The following PPP1R16A variants were observed in gnomAD, a reference collection of about 807,000 sequenced individuals.
PPP1R16A encodes the protein protein phosphatase 1 regulatory subunit 16A, also known as myosin phosphatase-targeting subunit 3.
Under a neutral mutation model 46.6 loss-of-function variants are expected in PPP1R16A, and 39 were observed. The observed-to-expected ratio is 0.84, with a 90% CI of 0.65 to 1.09. PPP1R16A has a LOEUF of 1.09. Ranked by LOEUF, PPP1R16A falls within the 50% of genes least tolerant of loss-of-function variation. The pLI is 0.00. For missense variants in PPP1R16A, 798 were observed against 735.6 expected, an observed-to-expected ratio of 1.08 and a Z score of -0.98; for synonymous variants, 413 against 321.5, an observed-to-expected ratio of 1.28 and a Z score of -3.04.
intron 1 of PPP1R16A, among the ~76,000 whole-genome samples, chr8:144,485,080 C>A (rs2130223546): frequency 6.6e-6 from 1 of 151,774 alleles, no homozygotes; most frequent in East Asian, 1.9e-4. Context: ...AGGCTGAGAC[C>A]AGAGTGTGAG....
chr8:144,479,805 C>T (rs558830414), intron 1 of PPP1R16A, among the ~76,000 whole-genome samples: 45 of 152,296 alleles, frequency 3.0e-4, no homozygotes, highest in African/African-American at 9.1e-4. Context: ...TCTTTCATGC[C>T]GAGGCTCTCC....
intron 5 of PPP1R16A, 128 bp downstream of exon 5, chr8:144,499,189 CCT>C: frequency 8.2e-7 from 1 of 1,225,384 alleles, no homozygotes; most frequent in African/African-American, 1.5e-5. Flanking sequence ...GCTGACCCTG[CCT>C]GTGTCCTGGC....
chr8:144,492,489 C>T (rs1419983447), intron 2 of PPP1R16A, among the ~76,000 whole-genome samples: 3 of 152,198 alleles, frequency 2.0e-5, no homozygotes, highest in East Asian at 3.9e-4. Flanking sequence ...GCGCCTGCCA[C>T]CCCACCCAGC....
Position 144,487,062 on chromosome 8 carries a change from A to C in PPP1R16A, c.-913-2972A>C, listed in dbSNP as rs557851764. Among the ~76,000 whole-genome samples, 18 of 150,368 alleles carry C rather than the reference A, an allele frequency of 1.2e-4. No homozygotes were observed. The South Asian group carries it at 3.2e-3, about 27-fold the overall frequency. On this transcript the variant is annotated intron_variant, in intron 1 of 11. Coordinates refer to ENST00000435887, the MANE Select transcript of PPP1R16A (RefSeq NM_001329443.2). ...GAGTGCAGTGGTGTGATCTCGGCTCACTGCAACCTCCACCTCCCAGATTCA... is the reference window on the plus strand; with the variant it reads ...GAGTGCAGTGGTGTGATCTCGGCTCCCTGCAACCTCCACCTCCCAGATTCA...
chr8:144,501,261 G>A lies in PPP1R16A; in HGVS notation c.1170G>A (p.Gln390=), dbSNP rs772502508. 6.2e-6 allele frequency: 10 copies of A among 1,601,056 alleles called. No homozygotes were observed. The South Asian group carries it at 1.1e-4, about 18-fold the overall frequency. ...CGCCCGAGGACAACGATGACCGCCAGACAGGCGCAGAGCTCAGGCCGCCGC... is the reference window on the plus strand; with the variant it reads ...CGCCCGAGGACAACGATGACCGCCAAACAGGCGCAGAGCTCAGGCCGCCGC... ...PEPPEDNDDR[Q]TGAELRPPPP... The change falls in exon 11 of 12, where the codon CAG becomes CAA. Residue 390 remains glutamine (Q), a synonymous_variant. Coordinates refer to ENST00000435887, the MANE Select transcript of PPP1R16A (RefSeq NM_001329443.2).
intron 1 of PPP1R16A, 81 bp downstream of exon 1, chr8:144,478,208 C>G (rs1036467606): frequency 2.6e-6 from 1 of 390,134 alleles, no homozygotes; most frequent in East Asian, 3.6e-5. Context: ...GTGGCGGGCC[C>G]GGGAAGGAGG....
At position 144,500,323 on chromosome 8, in the gene PPP1R16A, G is replaced by A; in HGVS notation, c.637G>A (p.Asp213Asn). 6.5e-7 allele frequency: 1 copy of A among 1,539,552 alleles called. No homozygotes were observed. Among genetic ancestry groups the A allele is most frequent in the Non-Finnish European group, 8.7e-7 (1 of 1,146,534 alleles). The change falls in exon 7 of 12, where the codon GAC (aspartate) becomes AAC (asparagine). Residue 213 changes from aspartate to asparagine, a missense_variant. By Grantham distance (23) the Asp-to-Asn change is conservative. Transcript: ENST00000435887. Reference sequence around the variant, plus strand: ...GGCCGTGCCAGAACTGCGCATGCTGGACGACATCCGGAGCCGGCTGCAGGC... The same window carrying A: ...GGCCGTGCCAGAACTGCGCATGCTGAACGACATCCGGAGCCGGCTGCAGGC... ...ARAVPELRMLDDIRSRLQAGA... is the reference protein window; with the variant it reads ...ARAVPELRMLNDIRSRLQAGA...
In PPP1R16A at chr8:144,492,620, C is replaced by A. The variant is rs550597174; in HGVS notation, c.-735+2408C>A. Among the ~76,000 whole-genome samples, 7 of 152,262 alleles carry A rather than the reference C, an allele frequency of 4.6e-5. No homozygotes were observed. The East Asian group carries it at 9.7e-4, about 21-fold the overall frequency. On this transcript the variant is annotated intron_variant, in intron 2 of 11. Transcript: ENST00000435887. Reference sequence around the variant, plus strand: ...AAAGTGCTGGGATTACAGGCGTGAGCCACTGTGCCTAGGTGCACATTTTAA... The same window carrying A: ...AAAGTGCTGGGATTACAGGCGTGAGACACTGTGCCTAGGTGCACATTTTAA...
Position 144,497,170 on chromosome 8 carries a change from G to A in PPP1R16A, c.-25G>A, listed in dbSNP as rs1204641438. ...GCTCCCCACTCTGGTGCCCCGAGCA[G>A]CCCTGTGGGCAAGCAGCCGCCGCCA... On this transcript the variant is annotated 5_prime_UTR_variant, in exon 3 of 12. Transcript: ENST00000435887. 3.2e-6 allele frequency: 5 copies of A among 1,545,662 alleles called. No individual in the cohort carries two copies. In the Admixed American group the frequency reaches 9.8e-5, roughly 30 times the overall value.
intron 1 of PPP1R16A, among the ~76,000 whole-genome samples, chr8:144,483,737 G>A (rs2620635): frequency 0.012 from 1,761 of 151,512 alleles, 43 homozygotes; most frequent in African/African-American, 0.041. Context: ...GTCTTGCTCT[G>A]TTGCCCAGGC....
At position 144,501,628 on chromosome 8, in the gene PPP1R16A, C is replaced by T; in HGVS notation, c.1312C>T (p.Pro438Ser). 1.9e-6 allele frequency: 3 copies of T among 1,611,006 alleles called. No individual in the cohort carries two copies. The highest frequency in any genetic ancestry group is 1.3e-5 in the African/African-American group (1 of 74,896). ...CCGGAGTGTCTCCTACCAGCTGAGC[C>T]CCCTGGACAGCACCACCCCCCACAC... is the stretch of plus-strand genomic sequence containing the variant. ...LDRSVSYQLS[P>S]LDSTTPHTLV... Residue 438 changes from proline to serine, a missense_variant, in exon 12 of 12, where the codon CCC becomes TCC. Coordinates refer to ENST00000435887, the MANE Select transcript of PPP1R16A (RefSeq NM_001329443.2).
rs1049543155 is a variant in PPP1R16A at position 144,493,593 on chromosome 8, G to A, written c.-734-2868G>A. On this transcript the variant is annotated intron_variant, in intron 2 of 11. Coordinates refer to ENST00000435887, the MANE Select transcript of PPP1R16A (RefSeq NM_001329443.2). This position sits in a 1 kb window ranked among gnomAD's most constrained non-coding sequence, Gnocchi z 4.3. Reference sequence around the variant, plus strand: ...TTCCTTCTGGAGCCCTCAGCCCACTGCCGTGGGCCTTCGGCTGGCTGCTTC... The same window carrying A: ...TTCCTTCTGGAGCCCTCAGCCCACTACCGTGGGCCTTCGGCTGGCTGCTTC... Among the ~76,000 whole-genome samples the A allele has an allele frequency of 6.6e-6, 1 of 152,162 alleles. No individual in the cohort carries two copies. The highest frequency in any genetic ancestry group is 2.4e-5 in the African/African-American group (1 of 41,442).
intron 3 of PPP1R16A, chr8:144,497,898 CTGGGCAGGCACAGAGCT>C: frequency 2.7e-6 from 1 of 373,820 alleles, no homozygotes; most frequent in Non-Finnish European, 5.4e-6. Flanking sequence ...GAGCCAGGCC[CTGGGCAGGCACAGAGCT>C]ATGCAGGTGG....
Position 144,490,505 on chromosome 8 carries a change from C to CA in PPP1R16A, c.-735+307dup, listed in dbSNP as rs11337640. ...TGGGTGACAGAGCGAGACCCTGTCTCAAAAAAAAAAAAAAGAAAGTGACCT... is the reference window on the plus strand; with the variant it reads ...TGGGTGACAGAGCGAGACCCTGTCTCAAAAAAAAAAAAAAAGAAAGTGACCT... On this transcript the variant is annotated intron_variant, in intron 2 of 11. Transcript: ENST00000435887. 4.8e-3 allele frequency among the ~76,000 whole-genome samples: 684 copies of CA among 141,558 alleles called. 7 individuals carry two copies. Among genetic ancestry groups the CA allele is most frequent in the African/African-American group, 0.015 (555 of 37,578 alleles). The allele number at this position is 141,558 out of a possible 152,430, so 92.9% of individuals were successfully genotyped here. A position where few individuals can be genotyped will look rare whatever the true frequency, so the allele number is the denominator to read the frequency against.
At position 144,496,987 on chromosome 8, in the gene PPP1R16A, C is replaced by T; in HGVS notation, c.-208C>T. 3.0e-6 allele frequency: 2 copies of T among 656,398 alleles called. No homozygotes were observed. Among genetic ancestry groups the T allele is most frequent in the East Asian group, 2.8e-5 (1 of 36,330 alleles). 40.7% of individuals were successfully genotyped at this position (656,398 alleles called of 1,614,324 possible). ...GTTTGGGGTGCCCTCCCACACTGCCCTCCCTGCCCCGGCCCATGCCCCCCA... is the reference window on the plus strand; with the variant it reads ...GTTTGGGGTGCCCTCCCACACTGCCTTCCCTGCCCCGGCCCATGCCCCCCA... On this transcript the variant is annotated 5_prime_UTR_variant, in exon 3 of 12. Coordinates refer to ENST00000435887, the MANE Select transcript of PPP1R16A (RefSeq NM_001329443.2).
chr8:144,482,072 G>GGAT (rs1234852272), intron 1 of PPP1R16A, among the ~76,000 whole-genome samples: 1 of 132,916 alleles, frequency 7.5e-6, no homozygotes, highest in African/African-American at 2.5e-5. Flanking sequence ...CACTGTGCCC[G>GGAT]GCTGCCGCCG....
chr8:144,499,546 C>T, intron 5 of PPP1R16A: 1 of 191,112 alleles, frequency 5.2e-6, no homozygotes. Context: ...GAGGTCAGGG[C>T]TGCGGTCATT....
chr8:144,501,355 C>G, intron 11 of PPP1R16A, 61 bp downstream of exon 11: 4 of 1,516,664 alleles, frequency 2.6e-6, no homozygotes, highest in Non-Finnish European at 2.6e-6. Flanking sequence ...CCCTGGTTCT[C>G]TCTCCGCTTG....
intron 1 of PPP1R16A, among the ~76,000 whole-genome samples, chr8:144,487,544 A>T (rs1198479187): frequency 2.0e-5 from 3 of 151,930 alleles, no homozygotes; most frequent in Non-Finnish European, 4.4e-5. Flanking sequence ...TAATTTTTTA[A>T]ATTTTGTAGA....
Sources: allele counts gnomAD v4.1 joint callset (sites outside exome capture counted in the v4.1 genomes callset), GRCh38; gene constraint gnomAD v4.1.1; non-coding constraint Gnocchi (gnomAD v3.1); transcripts MANE v1.5; gene names NCBI Gene and HGNC (gene_info 2026-07-23, HGNC 2026-07-21).